CCDC85A: variants seen among roughly 807,000 people sequenced by gnomAD.
CCDC85A encodes the protein coiled-coil domain-containing protein 85A.
In CCDC85A, 38 loss-of-function variants were observed where a neutral mutation model predicts 50.2. The ratio of observed to expected loss-of-function variants is 0.76; its 90% CI spans 0.58 to 0.99. The LOEUF (loss-of-function observed/expected upper bound fraction) is 0.99, where lower values mean the gene tolerates loss of function less well. CCDC85A is among the 50% of genes least tolerant of loss of function. The pLI is 0.00. For synonymous variants in CCDC85A, 366 were observed against 301.4 expected (o/e 1.21, Z -2.22); for missense variants, 820 against 742.0 (o/e 1.11, Z -1.22).
At chr2:56,294,287 G>C (rs896186845) in intron 2 of CCDC85A, among the ~76,000 whole-genome samples, 6 of 152,112 alleles carry the variant, frequency 3.9e-5, no homozygotes, top group African/African-American at 1.4e-4. Flanking sequence ...GGGCCTTTTG[G>C]GGGGTGGCAG....
Position 56,376,221 on chromosome 2 carries a change from A to G in CCDC85A, c.1572+286A>G, listed in dbSNP as rs991446764. Among the ~76,000 whole-genome samples, 11 of 152,334 alleles carry G rather than the reference A, an allele frequency of 7.2e-5. 1 individual carries two copies. The highest frequency in any genetic ancestry group is 2.6e-4 in the African/African-American group (11 of 41,590). On this transcript the variant is annotated intron_variant, in intron 5 of 5. Coordinates refer to ENST00000407595, the MANE Select transcript of CCDC85A (RefSeq NM_001080433.2). ...TTACAGTCTGTGCATGTATATCCAT[A>G]TTTGTAAAAAATTGTGATAGGTATT...
chr2:56,215,129 C>T (rs976439140), intron 2 of CCDC85A, among the ~76,000 whole-genome samples: 3 of 151,898 alleles, frequency 2.0e-5, no homozygotes. Flanking sequence ...TTCTTTGGTG[C>T]TATCATAAAT....
intron 2 of CCDC85A, among the ~76,000 whole-genome samples, chr2:56,292,646 A>C (rs1036307103): frequency 6.6e-6 from 1 of 152,192 alleles, no homozygotes; most frequent in African/African-American, 2.4e-5. Context: ...AAATAAATAC[A>C]TAAGGAAATA....
At chr2:56,372,700 G>A (rs953269726) in intron 4 of CCDC85A, among the ~76,000 whole-genome samples, 10 of 152,142 alleles carry the variant, frequency 6.6e-5, no homozygotes, top group Middle Eastern at 3.2e-3. Flanking sequence ...TTGAGCAACC[G>A]CATGCAGGAG....
At chr2:56,288,621 T>A (rs1426678098) in intron 2 of CCDC85A, among the ~76,000 whole-genome samples, 1 of 152,112 alleles carries the variant, frequency 6.6e-6, no homozygotes. Context: ...AGTTTAGTGG[T>A]GTATTTTCCA....
intron 2 of CCDC85A, among the ~76,000 whole-genome samples, chr2:56,219,538 C>T (rs557132856): frequency 7.9e-5 from 12 of 151,668 alleles, no homozygotes; most frequent in Non-Finnish European, 1.6e-4. Context: ...CTTTCCTTTG[C>T]GTTCCAACTA....
At chr2:56,234,664 A>G (rs1369290236) in intron 2 of CCDC85A, among the ~76,000 whole-genome samples, 2 of 150,398 alleles carry the variant, frequency 1.3e-5, no homozygotes, top group Admixed American at 1.3e-4. Flanking sequence ...TCTGGATTTC[A>G]TTTCCCTTTC....
At chr2:56,190,212 A>C (rs775975459) in intron 1 of CCDC85A, among the ~76,000 whole-genome samples, 2 of 152,212 alleles carry the variant, frequency 1.3e-5, no homozygotes, top group African/African-American at 2.4e-5. Context: ...TCGCAAGACC[A>C]AAGATTTTTC....
At chr2:56,223,104 A>G (rs1202004200) in intron 2 of CCDC85A, among the ~76,000 whole-genome samples, 2 of 152,174 alleles carry the variant, frequency 1.3e-5, no homozygotes, top group South Asian at 2.1e-4. Flanking sequence ...GGAATTTCAG[A>G]CAAGCCTTGA....
chr2:56,278,573 T>C (rs79426155), intron 2 of CCDC85A, among the ~76,000 whole-genome samples: 14,848 of 152,068 alleles, frequency 0.098, 1,030 homozygotes, highest in East Asian at 0.34. Flanking sequence ...TTTTATTTTT[T>C]ATTATTATTA....
chr2:56,357,041 T>A (rs963830474), intron 3 of CCDC85A, among the ~76,000 whole-genome samples: 2 of 148,588 alleles, frequency 1.3e-5, no homozygotes, highest in African/African-American at 5.0e-5. Context: ...ATCACACCAC[T>A]GCCCTCAAAC....
intron 3 of CCDC85A, among the ~76,000 whole-genome samples, chr2:56,366,061 C>T (rs1675776527): frequency 6.6e-6 from 1 of 152,156 alleles, no homozygotes; most frequent in Non-Finnish European, 1.5e-5. Context: ...CCTCCAGGTT[C>T]ATCCACGTTG....
At chr2:56,370,335 C>T (rs1195390848) in intron 3 of CCDC85A, among the ~76,000 whole-genome samples, 2 of 152,056 alleles carry the variant, frequency 1.3e-5, no homozygotes, top group South Asian at 2.1e-4. Flanking sequence ...GTATAAATAC[C>T]ATTTTGATGT....
chr2:56,370,666 T>C (rs547389166), intron 3 of CCDC85A, among the ~76,000 whole-genome samples: 1 of 152,240 alleles, frequency 6.6e-6, no homozygotes, highest in African/African-American at 2.4e-5. Flanking sequence ...TATTGTGAGT[T>C]CTCTACATAG....
At chr2:56,336,050 A>T (rs1674056129) in intron 2 of CCDC85A, among the ~76,000 whole-genome samples, 1 of 152,210 alleles carries the variant, frequency 6.6e-6, no homozygotes, top group African/African-American at 2.4e-5. Flanking sequence ...AGTCAAGCCA[A>T]CACAGAGACT....
chr2:56,216,812 T>C (rs1212321426), intron 2 of CCDC85A, among the ~76,000 whole-genome samples: 3 of 151,704 alleles, frequency 2.0e-5, no homozygotes, highest in Admixed American at 6.6e-5. Context: ...CATGGAGAAC[T>C]ATTTGCCTGA....
chr2:56,222,020 C>T (rs1417506201), intron 2 of CCDC85A, among the ~76,000 whole-genome samples: 4 of 151,998 alleles, frequency 2.6e-5, no homozygotes, highest in East Asian at 1.9e-4. Context: ...AACCCACTCT[C>T]GTGATAATAT....
chr2:56,218,924 A>G (rs1288066562), intron 2 of CCDC85A, among the ~76,000 whole-genome samples: 2 of 151,770 alleles, frequency 1.3e-5, no homozygotes, highest in African/African-American at 4.8e-5. Context: ...TGAAATGAGA[A>G]AATCATTTTA....
chr2:56,201,130 A>G (rs2103850787), intron 2 of CCDC85A, among the ~76,000 whole-genome samples: 1 of 150,756 alleles, frequency 6.6e-6, no homozygotes, highest in East Asian at 2.0e-4. Flanking sequence ...ACACACGTAC[A>G]TACACACAGC....
Sources: gnomAD v4.1 joint callset for allele counts (sites outside exome capture counted in the v4.1 genomes callset) on GRCh38, gnomAD v4.1.1 for gene constraint, MANE v1.5 for transcripts, NCBI Gene and HGNC (gene_info 2026-07-23, HGNC 2026-07-21) for gene names.